Variants in FAM217B observed in about 807,000 individuals in gnomAD.
FAM217B encodes protein FAM217B.
For missense variants in FAM217B, 463 were observed against 456.9 expected (o/e 1.01, Z -0.12); for synonymous variants, 163 against 173.0 (o/e 0.94, Z 0.45).
rs570477685 is a variant in FAM217B, at chr20:59,944,365, A to C, written c.422A>C (p.Tyr141Ser). Reference sequence around the variant, plus strand: ...CAGGGCCATACAAAACCTGAATACTATTATCCTAATTTCCTTCCATCCCCT... The same window carrying C: ...CAGGGCCATACAAAACCTGAATACTCTTATCCTAATTTCCTTCCATCCCCT... ...PGQGHTKPEY[Y>S]YPNFLPSPFS... Residue 141 changes from tyrosine to serine, a missense_variant, in exon 4 of 4, where the codon TAT (tyrosine) becomes TCT (serine). Tyr to Ser is a moderately radical substitution (Grantham distance 144). Transcript: ENST00000360816. 1.2e-6 allele frequency: 2 copies of C among 1,614,028 alleles called. No individual in the cohort carries two copies.
chr20:59,943,221 G>A (rs1158227516), intron 3 of FAM217B, among the ~76,000 whole-genome samples: 2 of 152,190 alleles, frequency 1.3e-5, no homozygotes, highest in African/African-American at 4.8e-5. Context: ...AATGCACACA[G>A]TATTCATTAT....
rs754880384 is a variant in FAM217B at position 59,944,858 on chromosome 20, C to T, written c.915C>T (p.Arg305=). 2 of 1,614,052 alleles carry T rather than the reference C, an allele frequency of 1.2e-6. No individual in the cohort carries two copies. Among genetic ancestry groups the T allele is most frequent in the African/African-American group, 1.3e-5 (1 of 74,926 alleles). ...CAAGTAAGAGTACGAAGCTGCAGCG[C>T]TGGGATCTGTCCGGCAGTGGAAGCA... ...KKSSKSTKLQ[R]WDLSGSGSSS... The change falls in exon 4 of 4, where the codon CGC becomes CGT. Residue 305 remains arginine, a synonymous_variant. Coordinates refer to ENST00000360816, the MANE Select transcript of FAM217B (RefSeq NM_022106.3).
chr20:59,938,764 C>T (rs1489400324), upstream of FAM217B: 2 of 331,432 alleles, frequency 6.0e-6, no homozygotes, highest in South Asian at 1.4e-4. Flanking sequence ...AGGGCCCACC[C>T]TCCCATGCAC....
rs1429936510 is a variant in FAM217B, at chr20:59,945,244, T to G, written c.*149T>G. 2 of 658,516 alleles carry G rather than the reference T, an allele frequency of 3.0e-6. No individual in the cohort carries two copies. Among genetic ancestry groups the G allele is most frequent in the Non-Finnish European group, 5.0e-6 (2 of 396,600 alleles). The allele number at this position is 658,516 out of a possible 1,614,324, so 40.8% of individuals were successfully genotyped here. ...TTTTTGTCCACCTTTATTTCTACCC[T>G]GAGTGGGGTTATTTTCAAAGGGAAG... is the stretch of plus-strand genomic sequence containing the variant. On this transcript the variant is annotated 3_prime_UTR_variant, in exon 4 of 4. Transcript: ENST00000360816.
At chr20:59,941,764 T>C (rs1308902008) in intron 1 of FAM217B, among the ~76,000 whole-genome samples, 1 of 152,262 alleles carries the variant, frequency 6.6e-6, no homozygotes, top group East Asian at 1.9e-4. Flanking sequence ...ATTGCCATTT[T>C]TCTGGGTACT....
rs533391516 is a variant in FAM217B at position 59,943,809 on chromosome 20, G to A, written c.-4-131G>A. 1,439 of 707,608 alleles carry A rather than the reference G, an allele frequency of 2.0e-3. 25 individuals are homozygous for A. The South Asian group carries it at 0.024, about 12-fold the overall frequency. 43.8% of individuals were successfully genotyped at this position (707,608 alleles called of 1,614,324 possible). On this transcript the variant is annotated intron_variant, in intron 3 of 3. Coordinates refer to ENST00000360816, the MANE Select transcript of FAM217B (RefSeq NM_022106.3). ...TTATGCTTTAAGGAGTTTGGAAGCT[G>A]ACATTTTCTAATGCCTACTAATAGC...
upstream of FAM217B, chr20:59,938,429 T>C (rs1380195984): frequency 1.3e-5 from 2 of 152,300 alleles, no homozygotes; most frequent in African/African-American, 4.8e-5. Context: ...CTATTAATAG[T>C]TTCCCACTGT....
chr20:59,936,356 T>C (rs2060862061), upstream of FAM217B, among the ~76,000 whole-genome samples: 1 of 152,180 alleles, frequency 6.6e-6, no homozygotes, highest in African/African-American at 2.4e-5. Flanking sequence ...ACATTCAGAA[T>C]TAAATGAAAT....
At position 59,945,423 on chromosome 20, in the gene FAM217B, T is replaced by C; in HGVS notation, c.*328T>C. On this transcript the variant is annotated 3_prime_UTR_variant, in exon 4 of 4. Transcript: ENST00000360816. ...AACCTCAGCTACAGTAGCCGGTCTG[T>C]GTAGAGCAGCTAGTGGTGTTACCTC... 4.1e-6 allele frequency: 1 copy of C among 243,110 alleles called. No homozygotes were observed. Among genetic ancestry groups the C allele is most frequent in the African/African-American group, 2.3e-5 (1 of 43,126 alleles). 15.1% of individuals were successfully genotyped at this position (243,110 alleles called of 1,614,324 possible).
chr20:59,946,292 T>G lies in FAM217B; in HGVS notation c.*1197T>G, dbSNP rs1282069565. On this transcript the variant is annotated 3_prime_UTR_variant, in exon 4 of 4. Coordinates refer to ENST00000360816, the MANE Select transcript of FAM217B (RefSeq NM_022106.3). ...GAGTTTTCTGTTCATATTTGCGCAG[T>G]GTATTTTAATACGGCCCATGTCATT... is the stretch of plus-strand genomic sequence containing the variant. 1.2e-5 allele frequency: 2 copies of G among 167,100 alleles called. No individual in the cohort carries two copies. The highest frequency in any genetic ancestry group is 4.8e-5 in the African/African-American group (2 of 41,464). The allele number at this position is 167,100 out of a possible 1,614,324, so 10.4% of individuals were successfully genotyped here.
upstream of FAM217B, among the ~76,000 whole-genome samples, chr20:59,936,334 C>T (rs958344706): frequency 6.6e-6 from 1 of 152,160 alleles, no homozygotes; most frequent in Non-Finnish European, 1.5e-5. Flanking sequence ...ATATTGTCTA[C>T]CAGGTAGCAT....
At chr20:59,934,414 G>C (rs2060841733) in intron 1 of FAM217B, among the ~76,000 whole-genome samples, 1 of 152,250 alleles carries the variant, frequency 6.6e-6, no homozygotes, top group African/African-American at 2.4e-5. Flanking sequence ...CTCGCAGAGG[G>C]CGTCGGTGTT....
chr20:59,934,169 C>T (rs1435026067), intron 1 of FAM217B, among the ~76,000 whole-genome samples: 2 of 152,132 alleles, frequency 1.3e-5, no homozygotes, highest in African/African-American at 4.8e-5. Context: ...TGGCTCCTGC[C>T]GGCAGGGGGC....
chr20:59,938,464 C>T (rs1439022454), upstream of FAM217B: 1 of 152,392 alleles, frequency 6.6e-6, no homozygotes, highest in African/African-American at 2.4e-5. Context: ...CGTTGGCAAT[C>T]AGATGTGGGC....
In FAM217B at chr20:59,944,967, T is replaced by C. The variant is rs1411404595; in HGVS notation, c.1024T>C (p.Ser342Pro). Residue 342 changes from serine (S) to proline (P), a missense_variant, in exon 4 of 4, where the codon TCC becomes CCC. Ser to Pro is a moderately conservative substitution (Grantham distance 74). Transcript: ENST00000360816. ...GGACTCAGCAGATTCCTGTAAGGCC[T>C]CCAAAACACAAGCACATGCACATCC... ...ILDSADSCKASKTQAHAHPRK... is the reference protein window; with the variant it reads ...ILDSADSCKAPKTQAHAHPRK... 4 of 1,613,938 alleles carry C rather than the reference T, an allele frequency of 2.5e-6. No homozygotes were observed. The highest frequency in any genetic ancestry group is 1.3e-5 in the African/African-American group (1 of 74,866).
At chr20:59,935,661 C>A (rs200281256), upstream of FAM217B, among the ~76,000 whole-genome samples, 3 of 152,168 alleles carry the variant, frequency 2.0e-5, no homozygotes, top group Admixed American at 2.0e-4. Flanking sequence ...AGCTGCTCTA[C>A]GCCGGAGGCT....
chr20:59,944,187 A>G lies in FAM217B; in HGVS notation c.244A>G (p.Met82Val), dbSNP rs1392055559. 3 of 1,614,188 alleles carry G rather than the reference A, an allele frequency of 1.9e-6. No individual in the cohort carries two copies. The highest frequency in any genetic ancestry group is 2.2e-5 in the East Asian group (1 of 44,882). ...TAAACTGTTTCTTGATTTTCAGTCA[A>G]TGAAAATTATTAAAGAGAATGCTGA... ...GNKLFLDFQS[M>V]KIIKENADED... Residue 82 changes from methionine to valine, a missense_variant, in exon 4 of 4, where the codon ATG becomes GTG. Met to Val is a conservative substitution (Grantham distance 21). Coordinates refer to ENST00000360816, the MANE Select transcript of FAM217B (RefSeq NM_022106.3).
Position 59,945,051 on chromosome 20 carries a change from CTG to C in FAM217B, c.1109_1110del (p.Leu370GlnfsTer11), listed in dbSNP as rs1013853528. Reference sequence around the variant, plus strand: ...TGCCACTGTATCGAGTGAGAAAAAACTGAAAACAAACGGAGTAAAGCAAAACA... The same window carrying C: ...TGCCACTGTATCGAGTGAGAAAAAACAAAACAAACGGAGTAAAGCAAAACA... ...GHATVSSEKK[L>X]KTNGVKQNTY... On this transcript the variant is annotated frameshift_variant, in exon 4 of 4. Coordinates refer to ENST00000360816, the MANE Select transcript of FAM217B (RefSeq NM_022106.3). LOFTEE classifies it high-confidence loss of function. 8 of 1,603,522 alleles carry C rather than the reference CTG, an allele frequency of 5.0e-6. No individual in the cohort carries two copies. Among genetic ancestry groups the C allele is most frequent in the Non-Finnish European group, 6.8e-6 (8 of 1,177,226 alleles).
rs762685099 is a variant in FAM217B, at chr20:59,944,278, C to T, written c.335C>T (p.Pro112Leu). The T allele has an allele frequency of 6.2e-7, 1 of 1,614,142 alleles. No homozygotes were observed. ...RIPIPPSPLT[P>L]PDLNLRAEEI... Reference sequence around the variant, plus strand: ...CCCATTCCTCCTTCTCCCCTCACACCTCCAGATCTCAATCTTCGAGCTGAA... The same window carrying T: ...CCCATTCCTCCTTCTCCCCTCACACTTCCAGATCTCAATCTTCGAGCTGAA... Residue 112 changes from proline to leucine, a missense_variant, in exon 4 of 4, where the codon CCT becomes CTT. Pro to Leu is a moderately conservative substitution (Grantham distance 98). Coordinates refer to ENST00000360816, the MANE Select transcript of FAM217B (RefSeq NM_022106.3).
Sources: allele counts gnomAD v4.1 joint callset (sites outside exome capture counted in the v4.1 genomes callset), GRCh38; gene constraint gnomAD v4.1.1; transcripts MANE v1.5; gene names NCBI Gene and HGNC (gene_info 2026-07-23, HGNC 2026-07-21).